The following MORC1 variants were observed in gnomAD, a reference collection of about 807,000 sequenced individuals.
MORC1 encodes MORC family CW-type zinc finger protein 1.
In MORC1, 59 loss-of-function variants were observed where a neutral mutation model predicts 134.9. The ratio of observed to expected loss-of-function variants is 0.44; its 90% CI spans 0.35 to 0.54. The LOEUF (loss-of-function observed/expected upper bound fraction) is 0.54. MORC1 is among the 20% of genes least tolerant of loss of function. The pLI is 0.00. For synonymous variants in MORC1, 395 were observed against 391.7 expected (o/e 1.01, Z -0.10); for missense variants, 947 against 1,134.5 (o/e 0.83, Z 2.37).
At chr3:109,031,552 A>C (rs1210225467) in intron 16 of MORC1, among the ~76,000 whole-genome samples, 1 of 152,096 alleles carries the variant, frequency 6.6e-6, no homozygotes, top group African/African-American at 2.4e-5. Flanking sequence ...TATTTGGGAG[A>C]TATTTAAGTC....
chr3:109,066,479 G>A (rs188280902), intron 9 of MORC1, among the ~76,000 whole-genome samples: 87 of 152,150 alleles, frequency 5.7e-4, no homozygotes, highest in Middle Eastern at 6.8e-3. Flanking sequence ...TAGAGATGGG[G>A]TTTCACCTTC....
intron 8 of MORC1, among the ~76,000 whole-genome samples, chr3:109,073,288 C>G (rs980413075): frequency 2.6e-5 from 4 of 152,106 alleles, no homozygotes; most frequent in African/African-American, 9.7e-5. Context: ...AGTGAAGGAG[C>G]CAGAAACTAA....
chr3:109,012,500 A>C (rs1019682381), intron 17 of MORC1, among the ~76,000 whole-genome samples: 2 of 152,194 alleles, frequency 1.3e-5, no homozygotes, highest in Non-Finnish European at 2.9e-5. Flanking sequence ...ATTGATGCCA[A>C]CTGGGGAGAA....
intron 24 of MORC1, among the ~76,000 whole-genome samples, chr3:108,974,440 G>C (rs1947491161): frequency 6.6e-6 from 1 of 152,068 alleles, no homozygotes; most frequent in Non-Finnish European, 1.5e-5. Context: ...TTGCTCTTGA[G>C]GGTACATCTT....
chr3:109,004,707 T>C lies in MORC1; in HGVS notation c.2085+110A>G, dbSNP rs1576621811. ...GATTACAGGGTAACAATATGTATGA[T>C]TTAGTTAAGCATTTTTCCTATAAAG... On this transcript the variant is annotated intron_variant, in intron 20 of 27. Transcript: ENST00000232603. 5.7e-6 allele frequency: 6 copies of C among 1,044,218 alleles called. No individual in the cohort carries two copies. The East Asian group carries it at 1.4e-4, about 25-fold the overall frequency. The allele number at this position is 1,044,218 out of a possible 1,614,324, so 64.7% of individuals were successfully genotyped here.
intron 8 of MORC1, among the ~76,000 whole-genome samples, chr3:109,080,662 C>T (rs563813881): frequency 1.3e-4 from 20 of 152,226 alleles, no homozygotes; most frequent in Non-Finnish European, 2.2e-4. Context: ...AACTACCAAT[C>T]AAAATCCCAA....
chr3:109,027,653 C>A, intron 17 of MORC1, 98 bp downstream of exon 17: 6 of 1,446,768 alleles, frequency 4.1e-6, no homozygotes, highest in South Asian at 1.2e-5. Context: ...AAAGATTATA[C>A]ACATTTTATT....
At chr3:108,983,456 T>C (rs113074180) in intron 23 of MORC1, among the ~76,000 whole-genome samples, 4 of 152,008 alleles carry the variant, frequency 2.6e-5, no homozygotes, top group African/African-American at 7.2e-5. Context: ...TAAAACAGGA[T>C]GATAAAAGTG....
intron 21 of MORC1, among the ~76,000 whole-genome samples, chr3:108,999,459 T>A (rs905705704): frequency 2.0e-5 from 3 of 152,152 alleles, no homozygotes; most frequent in African/African-American, 7.2e-5. Flanking sequence ...AATGAAAAAA[T>A]TTTTAAATAA....
At chr3:109,116,244 G>C (rs936240423) in intron 1 of MORC1, among the ~76,000 whole-genome samples, 4 of 152,158 alleles carry the variant, frequency 2.6e-5, no homozygotes, top group Non-Finnish European at 4.4e-5. Context: ...CAGCTTTCCA[G>C]GAAAATGGAC....
chr3:109,005,387 T>C lies in MORC1; in HGVS notation c.1768-72A>G, dbSNP rs1286804388. 4.4e-6 allele frequency: 6 copies of C among 1,369,702 alleles called. No homozygotes were observed. In the African/African-American group the frequency reaches 5.8e-5, roughly 13 times the overall value. The allele number at this position is 1,369,702 out of a possible 1,614,324, so 84.8% of individuals were successfully genotyped here. On this transcript the variant is annotated intron_variant, in intron 18 of 27. Transcript: ENST00000232603. ...TTATAATTAATCACCACTTCTCTCA[T>C]AACCTCATTATAATAGGTATTTCTT...
At chr3:108,962,937 T>G (rs1947120276) in intron 27 of MORC1, among the ~76,000 whole-genome samples, 1 of 152,148 alleles carries the variant, frequency 6.6e-6, no homozygotes, top group African/African-American at 2.4e-5. Flanking sequence ...GTAAAATATT[T>G]CGCTGTCTGA....
At chr3:109,027,048 A>C (rs1410056766) in intron 17 of MORC1, among the ~76,000 whole-genome samples, 1 of 152,222 alleles carries the variant, frequency 6.6e-6, no homozygotes, top group African/African-American at 2.4e-5. Context: ...TTCTATTTTA[A>C]TAAGCATTTT....
chr3:109,006,964 T>A, intron 18 of MORC1, 65 bp downstream of exon 18: 1 of 1,370,466 alleles, frequency 7.3e-7, no homozygotes, highest in Non-Finnish European at 1.0e-6. Context: ...TGGCCCTTGA[T>A]AAGGCTTCTC....
At chr3:109,084,158 G>T (rs1430535157) in intron 8 of MORC1, among the ~76,000 whole-genome samples, 4 of 152,066 alleles carry the variant, frequency 2.6e-5, no homozygotes, top group African/African-American at 9.7e-5. Flanking sequence ...TCTGGTCATA[G>T]CAATTAGCCA....
intron 21 of MORC1, among the ~76,000 whole-genome samples, chr3:108,990,384 A>G (rs990407558): frequency 6.6e-6 from 1 of 152,008 alleles, no homozygotes; most frequent in East Asian, 1.9e-4. Context: ...GGCTCTTCAG[A>G]AGCTCTTTTA....
intron 16 of MORC1, among the ~76,000 whole-genome samples, chr3:109,031,607 C>T (rs1313150690): frequency 6.6e-6 from 1 of 152,144 alleles, no homozygotes; most frequent in African/African-American, 2.4e-5. Context: ...AGATCTTGGC[C>T]AGTGGCTTCA....
At chr3:109,041,310 C>CA (rs1054617911) in intron 14 of MORC1, among the ~76,000 whole-genome samples, 39 of 145,808 alleles carry the variant, frequency 2.7e-4, no homozygotes, top group African/African-American at 8.6e-4. Flanking sequence ...GACTCCATCT[C>CA]AAAAAAAAAG....
At chr3:108,990,898 T>TTCTCTCTCTCTCTCTC (rs34333221) in intron 21 of MORC1, among the ~76,000 whole-genome samples, 44 of 145,656 alleles carry the variant, frequency 3.0e-4, no homozygotes, top group African/African-American at 1.1e-3. Context: ...GTTTCTCTCT[T>TTCTCTCTCTCTCTCTC]TCTCTCTCTC....
Sources: gnomAD v4.1 joint callset for allele counts (sites outside exome capture counted in the v4.1 genomes callset) on GRCh38, gnomAD v4.1.1 for gene constraint, MANE v1.5 for transcripts, NCBI Gene and HGNC (gene_info 2026-07-23, HGNC 2026-07-21) for gene names.